The following LRRC4C variants were observed in gnomAD, a reference collection of about 807,000 sequenced individuals.
LRRC4C encodes the protein leucine-rich repeat-containing protein 4C.
Under a neutral mutation model 33.6 loss-of-function variants are expected in LRRC4C, and 5 were observed. That is an observed-to-expected ratio of 0.15 (90% CI 0.08 to 0.31). The LOEUF (loss-of-function observed/expected upper bound fraction) is 0.31. Among genes scored for constraint, LRRC4C ranks in the 10% least tolerant of loss-of-function variants. The pLI, the probability that LRRC4C is intolerant of heterozygous loss-of-function variation, is 1.00. For synonymous variants in LRRC4C, 329 were observed against 302.0 expected (o/e 1.09, Z -0.93); for missense variants, 560 against 796.7 (o/e 0.70, Z 3.58).
chr11:40,782,800 GTCTT>G (rs1950264246), intron 2 of LRRC4C, among the ~76,000 whole-genome samples: 1 of 152,020 alleles, frequency 6.6e-6, no homozygotes, highest in Non-Finnish European at 1.5e-5. Flanking sequence ...ATGGTAAAAA[GTCTT>G]TCTGTCACTG....
intron 3 of LRRC4C, among the ~76,000 whole-genome samples, chr11:40,600,098 G>C (rs1032287538): frequency 1.3e-5 from 2 of 152,140 alleles, no homozygotes; most frequent in Non-Finnish European, 2.9e-5. Flanking sequence ...TGCATAGTTT[G>C]CTGTTGAGAA....
chr11:41,109,638 A>G (rs927969377), intron 1 of LRRC4C, among the ~76,000 whole-genome samples: 4 of 152,102 alleles, frequency 2.6e-5, no homozygotes, highest in Non-Finnish European at 5.9e-5. Flanking sequence ...ATATCTAAAA[A>G]GTGCGTAACG....
chr11:40,894,113 C>G (rs1378267783), intron 2 of LRRC4C, among the ~76,000 whole-genome samples: 1 of 152,060 alleles, frequency 6.6e-6, no homozygotes, highest in Non-Finnish European at 1.5e-5. Context: ...TTTTTCCTTA[C>G]CTAATTTCTC....
chr11:41,052,294 G>A (rs1042532978), intron 1 of LRRC4C, among the ~76,000 whole-genome samples: 3 of 152,016 alleles, frequency 2.0e-5, no homozygotes, highest in African/African-American at 7.2e-5. Flanking sequence ...CTTCACAGAA[G>A]AACTCTTGGG....
intron 1 of LRRC4C, among the ~76,000 whole-genome samples, chr11:41,399,844 T>C (rs1315084363): frequency 6.6e-6 from 1 of 151,954 alleles, no homozygotes; most frequent in Non-Finnish European, 1.5e-5. Context: ...AGAATAACCA[T>C]GTTCCTTTTT....
At chr11:41,384,306 T>C (rs569699218) in intron 1 of LRRC4C, among the ~76,000 whole-genome samples, 1 of 152,082 alleles carries the variant, frequency 6.6e-6, no homozygotes, top group Admixed American at 6.6e-5. Flanking sequence ...GTCTCTTTTA[T>C]TTAGTTGTAT....
intron 1 of LRRC4C, among the ~76,000 whole-genome samples, chr11:41,001,530 G>C (rs1041898897): frequency 6.6e-6 from 1 of 151,952 alleles, no homozygotes; most frequent in African/African-American, 2.4e-5. Flanking sequence ...ACATTTGAAA[G>C]TCTCTGAACA....
chr11:41,087,911 A>G (rs1280528060), intron 1 of LRRC4C, among the ~76,000 whole-genome samples: 1 of 152,142 alleles, frequency 6.6e-6, no homozygotes, highest in Admixed American at 6.6e-5. Context: ...AAGTTGTTTG[A>G]GGGCATTTTA....
intron 1 of LRRC4C, among the ~76,000 whole-genome samples, chr11:41,167,369 C>A (rs961385817): frequency 6.6e-6 from 1 of 152,120 alleles, no homozygotes; most frequent in African/African-American, 2.4e-5. Flanking sequence ...TGATGATGCA[C>A]CTGAACATCC....
chr11:40,628,045 T>C (rs1963119843), intron 3 of LRRC4C, among the ~76,000 whole-genome samples: 1 of 152,218 alleles, frequency 6.6e-6, no homozygotes, highest in Non-Finnish European at 1.5e-5. Flanking sequence ...TGAAAGGATA[T>C]AGCTCTCTAG....
chr11:40,508,344 A>G (rs998955796), intron 3 of LRRC4C, among the ~76,000 whole-genome samples: 4 of 152,202 alleles, frequency 2.6e-5, no homozygotes, highest in African/African-American at 9.7e-5. Context: ...AAAAAATCAT[A>G]TAAAACACAA....
chr11:40,901,264 T>A (rs562609780), intron 2 of LRRC4C, among the ~76,000 whole-genome samples: 21 of 152,176 alleles, frequency 1.4e-4, no homozygotes, highest in African/African-American at 5.1e-4. Context: ...TATGTTTAAT[T>A]GTCATTCTGA....
intron 1 of LRRC4C, among the ~76,000 whole-genome samples, chr11:40,980,826 C>G (rs1852465943): frequency 6.6e-6 from 1 of 152,134 alleles, no homozygotes; most frequent in African/African-American, 2.4e-5. Flanking sequence ...GTTGAAGAAT[C>G]TCTTCAAGTT....
chr11:40,452,889 G>A lies in LRRC4C; in HGVS notation c.-269-133168C>T, dbSNP rs544203846. Among the ~76,000 whole-genome samples the A allele has an allele frequency of 9.2e-4, 140 of 152,266 alleles. No homozygotes were observed. In the Middle Eastern group the frequency reaches 0.02, roughly 22 times the overall value. On this transcript the variant is annotated intron_variant, in intron 3 of 6. Coordinates refer to ENST00000528697, the MANE Select transcript of LRRC4C (RefSeq NM_001258419.2). ...AGTTCATGTCCTTTGTAGGGACATG[G>A]ATGAAGCTGGAATCCATCATTCTCA...
intron 1 of LRRC4C, among the ~76,000 whole-genome samples, chr11:41,288,250 T>G (rs1162043712): frequency 2.6e-5 from 4 of 152,206 alleles, no homozygotes; most frequent in Admixed American, 1.3e-4. Flanking sequence ...CAGTACGTAA[T>G]CTCCATCCTT....
intron 1 of LRRC4C, among the ~76,000 whole-genome samples, chr11:41,353,322 G>T (rs1456090900): frequency 1.3e-5 from 2 of 151,968 alleles, no homozygotes; most frequent in African/African-American, 2.4e-5. Context: ...GAACCAGGAA[G>T]AAATTAATAT....
At chr11:40,311,530 G>A (rs974576660) in intron 4 of LRRC4C, among the ~76,000 whole-genome samples, 4 of 152,146 alleles carry the variant, frequency 2.6e-5, no homozygotes, top group African/African-American at 7.2e-5. Context: ...GCCTTCTTGG[G>A]CATTTTATTT....
intron 1 of LRRC4C, among the ~76,000 whole-genome samples, chr11:41,265,291 C>CA (rs1949113299): frequency 6.6e-6 from 1 of 151,848 alleles, no homozygotes; most frequent in South Asian, 2.1e-4. Context: ...AACCAATGAT[C>CA]AAAAAAATTA....
At chr11:41,093,791 G>T (rs951536915) in intron 1 of LRRC4C, among the ~76,000 whole-genome samples, 12 of 151,742 alleles carry the variant, frequency 7.9e-5, no homozygotes, top group African/African-American at 2.9e-4. Context: ...AACCTTTGGG[G>T]ATAAAAAAGT....
Sources: gnomAD v4.1 joint callset for allele counts (sites outside exome capture counted in the v4.1 genomes callset) on GRCh38, gnomAD v4.1.1 for gene constraint, MANE v1.5 for transcripts, NCBI Gene and HGNC (gene_info 2026-07-23, HGNC 2026-07-21) for gene names.